GRID2: variants seen among roughly 807,000 people sequenced by gnomAD.
The protein encoded by GRID2 is glutamate receptor ionotropic, delta-2.
GRID2 carries 33 observed loss-of-function variants against 114.8 expected under a neutral mutation model. The ratio of observed to expected loss-of-function variants is 0.29; its 90% CI spans 0.22 to 0.38. The LOEUF is 0.38. Ranked by LOEUF, GRID2 falls within the 10% of genes least tolerant of loss-of-function variation. The probability of loss-of-function intolerance (pLI) is 1.00; values close to 1 mark genes in which losing one functional copy is unlikely to be tolerated. For synonymous variants in GRID2, 505 were observed against 449.9 expected (o/e 1.12, Z -1.55); for missense variants, 1,184 against 1,257.7 (o/e 0.94, Z 0.89).
intron 14 of GRID2, among the ~76,000 whole-genome samples, chr4:93,716,087 C>T (rs920704847): frequency 6.6e-6 from 1 of 151,944 alleles, no homozygotes; most frequent in African/African-American, 2.4e-5. Context: ...CTTCTTATTT[C>T]CTAGATATGT....
chr4:93,622,534 T>TCA (rs887223131), intron 13 of GRID2, among the ~76,000 whole-genome samples: 69 of 152,316 alleles, frequency 4.5e-4, no homozygotes, highest in African/African-American at 1.6e-3. Context: ...CTAATGGTGG[T>TCA]AGTCTTCGCA....
intron 2 of GRID2, among the ~76,000 whole-genome samples, chr4:92,781,622 A>G (rs902715825): frequency 2.0e-5 from 3 of 152,084 alleles, no homozygotes; most frequent in Non-Finnish European, 4.4e-5. Flanking sequence ...TTTGCAGTAT[A>G]TAAGCTAACT....
intron 2 of GRID2, among the ~76,000 whole-genome samples, chr4:92,929,004 G>A (rs560140025): frequency 6.6e-6 from 1 of 151,310 alleles, no homozygotes. Context: ...AGTAGGCATT[G>A]AATTCAACAT....
chr4:93,745,170 G>A (rs2110265742), intron 14 of GRID2, among the ~76,000 whole-genome samples: 1 of 152,158 alleles, frequency 6.6e-6, no homozygotes, highest in Non-Finnish European at 1.5e-5. Context: ...TGTTATTGCT[G>A]TCATCATCAC....
chr4:92,517,114 C>A (rs1453957870), intron 1 of GRID2, among the ~76,000 whole-genome samples: 1 of 151,836 alleles, frequency 6.6e-6, no homozygotes, highest in Non-Finnish European at 1.5e-5. Flanking sequence ...CAATTTGCCA[C>A]GTACTGGATG....
At chr4:92,622,600 T>C (rs1469528853) in intron 2 of GRID2, among the ~76,000 whole-genome samples, 1 of 151,594 alleles carries the variant, frequency 6.6e-6, no homozygotes, top group Non-Finnish European at 1.5e-5. Context: ...CCCTCATTTT[T>C]AAAAAAGATT....
At chr4:92,548,852 G>T (rs71599247) in intron 1 of GRID2, among the ~76,000 whole-genome samples, 8 of 152,010 alleles carry the variant, frequency 5.3e-5, no homozygotes, top group African/African-American at 1.7e-4. Flanking sequence ...CATCGCCAGA[G>T]AAGGAGGAAG....
chr4:92,896,512 A>G (rs1020812503), intron 2 of GRID2, among the ~76,000 whole-genome samples: 1 of 151,430 alleles, frequency 6.6e-6, no homozygotes, highest in Non-Finnish European at 1.5e-5. Flanking sequence ...ATCTATCTTT[A>G]TTATGAGATC....
chr4:93,470,371 A>G (rs1045508977), intron 11 of GRID2, among the ~76,000 whole-genome samples: 1 of 152,144 alleles, frequency 6.6e-6, no homozygotes, highest in African/African-American at 2.4e-5. Flanking sequence ...AACTTAGAAA[A>G]TGAACAGTAA....
chr4:92,706,206 G>A (rs954712418), intron 2 of GRID2, among the ~76,000 whole-genome samples: 20 of 152,272 alleles, frequency 1.3e-4, no homozygotes, highest in African/African-American at 4.3e-4. Context: ...AGCTACGTAT[G>A]CACTTGAAGA....
intron 2 of GRID2, among the ~76,000 whole-genome samples, chr4:92,855,572 C>G (rs986456242): frequency 5.9e-5 from 9 of 151,760 alleles, no homozygotes; most frequent in Non-Finnish European, 1.3e-4. Flanking sequence ...AGAAATAAAA[C>G]AAAATTCATA....
chr4:92,611,004 A>G (rs968499111), intron 2 of GRID2, among the ~76,000 whole-genome samples: 4 of 149,518 alleles, frequency 2.7e-5, no homozygotes, highest in African/African-American at 9.9e-5. Context: ...TGTAATGAAT[A>G]TTTATTGAAT....
chr4:92,614,706 G>A (rs1187882955), intron 2 of GRID2, among the ~76,000 whole-genome samples: 3 of 151,568 alleles, frequency 2.0e-5, no homozygotes, highest in African/African-American at 7.3e-5. Flanking sequence ...TACTACAGAT[G>A]ACAGGTCAAA....
intron 2 of GRID2, among the ~76,000 whole-genome samples, chr4:92,914,840 A>T (rs1748660256): frequency 6.6e-6 from 1 of 151,994 alleles, no homozygotes; most frequent in African/African-American, 2.4e-5. Flanking sequence ...GTTTGTGTTG[A>T]TTCTATGTCT....
In GRID2 at chr4:92,536,859, T is replaced by G. The variant is rs1036268785; in HGVS notation, c.89-53272T>G. ...TTTTCAAAATTAGACCTGAAAAAAA[T>G]GTTTCTTTTCTGTTTGTTTCCATAT... On this transcript the variant is annotated intron_variant, in intron 1 of 15. Transcript: ENST00000282020. Among the ~76,000 whole-genome samples the G allele has an allele frequency of 2.0e-5, 3 of 152,142 alleles. No homozygotes were observed. In the East Asian group the frequency reaches 5.8e-4, roughly 29 times the overall value.
At chr4:93,379,573 G>A (rs1226244613) in intron 8 of GRID2, among the ~76,000 whole-genome samples, 2 of 152,032 alleles carry the variant, frequency 1.3e-5, no homozygotes, top group Admixed American at 6.6e-5. Flanking sequence ...TAATAATCCC[G>A]CTACATATTT....
chr4:92,703,466 C>A (rs1348169908), intron 2 of GRID2, among the ~76,000 whole-genome samples: 2 of 151,884 alleles, frequency 1.3e-5, no homozygotes, highest in Non-Finnish European at 2.9e-5. Context: ...CTTTAAAGAA[C>A]TTTTTTAATG....
chr4:92,907,160 A>T (rs1253642857), intron 2 of GRID2, among the ~76,000 whole-genome samples: 2 of 152,132 alleles, frequency 1.3e-5, no homozygotes, highest in Non-Finnish European at 2.9e-5. Flanking sequence ...TCCATTCCAG[A>T]TCATTCTTTA....
intron 2 of GRID2, among the ~76,000 whole-genome samples, chr4:92,782,227 G>A: frequency 6.6e-6 from 1 of 151,952 alleles, no homozygotes; most frequent in East Asian, 1.9e-4. Context: ...ATTTCTTCAG[G>A]AATTTGGGGT....
Sources: gnomAD v4.1 joint callset for allele counts (sites outside exome capture counted in the v4.1 genomes callset) on GRCh38, gnomAD v4.1.1 for gene constraint, MANE v1.5 for transcripts, NCBI Gene and HGNC (gene_info 2026-07-23, HGNC 2026-07-21) for gene names.